The following FRMD4A variants were observed in gnomAD, a reference collection of about 807,000 sequenced individuals.
FRMD4A encodes FERM domain-containing protein 4A.
FRMD4A carries 29 observed loss-of-function variants against 129.1 expected under a neutral mutation model. The observed-to-expected ratio is 0.22, with a 90% CI of 0.17 to 0.31. FRMD4A has a LOEUF of 0.31. FRMD4A is among the 10% of genes least tolerant of loss of function. FRMD4A has a pLI of 1.00. For synonymous variants in FRMD4A, 634 were observed against 571.6 expected (o/e 1.11, Z -1.56); for missense variants, 1,272 against 1,375.8 (o/e 0.92, Z 1.19).
chr10:13,783,827 T>C (rs905331478), intron 5 of FRMD4A, among the ~76,000 whole-genome samples: 1 of 152,310 alleles, frequency 6.6e-6, no homozygotes. Context: ...TTAAGCCAAA[T>C]GAGAATCGGA....
chr10:14,037,626 A>G (rs917118637), intron 2 of FRMD4A, among the ~76,000 whole-genome samples: 3 of 151,302 alleles, frequency 2.0e-5, no homozygotes, highest in African/African-American at 7.3e-5. Flanking sequence ...GACTTCTAGG[A>G]GTAGAATTGT....
At chr10:13,833,390 A>G (rs1208377522) in intron 3 of FRMD4A, among the ~76,000 whole-genome samples, 1 of 152,214 alleles carries the variant, frequency 6.6e-6, no homozygotes. Flanking sequence ...AACCGTCCCC[A>G]GGATGCAATT....
chr10:14,213,869 A>G (rs1401397922), intron 2 of FRMD4A, among the ~76,000 whole-genome samples: 1 of 152,154 alleles, frequency 6.6e-6, no homozygotes, highest in African/African-American at 2.4e-5. Flanking sequence ...AAGTCTCCTG[A>G]GATCTGATGG....
chr10:13,753,284 C>G (rs946478205), intron 8 of FRMD4A, among the ~76,000 whole-genome samples: 6 of 152,172 alleles, frequency 3.9e-5, no homozygotes, highest in African/African-American at 1.4e-4. Flanking sequence ...CAATCACATG[C>G]TTTTTTCCCC....
chr10:14,073,404 T>C (rs1363194871), intron 2 of FRMD4A, among the ~76,000 whole-genome samples: 1 of 152,136 alleles, frequency 6.6e-6, no homozygotes, highest in Admixed American at 6.5e-5. Flanking sequence ...CTGCAAGAAA[T>C]GTCCCATTCC....
At chr10:14,194,767 G>A (rs1842426979) in intron 2 of FRMD4A, among the ~76,000 whole-genome samples, 1 of 151,494 alleles carries the variant, frequency 6.6e-6, no homozygotes, top group Admixed American at 6.6e-5. Context: ...TCTTCTTTTG[G>A]TTCTAAGAAA....
chr10:13,910,876 T>G (rs2094933239), intron 2 of FRMD4A, among the ~76,000 whole-genome samples: 3 of 117,130 alleles, frequency 2.6e-5, no homozygotes, highest in South Asian at 2.9e-4. Flanking sequence ...GTTAAGCCTC[T>G]GGGAGTTTCA....
chr10:13,823,204 C>T (rs2130912588), intron 3 of FRMD4A, among the ~76,000 whole-genome samples: 1 of 152,284 alleles, frequency 6.6e-6, no homozygotes, highest in Non-Finnish European at 1.5e-5. Context: ...AAAGTGCTCA[C>T]AAGCCAGCCA....
At chr10:14,109,040 C>T (rs1837733566) in intron 2 of FRMD4A, among the ~76,000 whole-genome samples, 1 of 152,100 alleles carries the variant, frequency 6.6e-6, no homozygotes. Context: ...TGTTCATATC[C>T]TATCTCTTAT....
chr10:14,027,729 A>G (rs1369368820), intron 2 of FRMD4A, among the ~76,000 whole-genome samples: 1 of 152,242 alleles, frequency 6.6e-6, no homozygotes, highest in African/African-American at 2.4e-5. Flanking sequence ...ATTTGGGCAG[A>G]GTGTGTGGTT....
At chr10:13,854,025 A>G (rs76424763) in intron 3 of FRMD4A, among the ~76,000 whole-genome samples, 2 of 152,056 alleles carry the variant, frequency 1.3e-5, no homozygotes, top group Admixed American at 6.6e-5. Context: ...CAAGAGAACC[A>G]AATAAGGAAG....
intron 2 of FRMD4A, among the ~76,000 whole-genome samples, chr10:14,017,243 C>A (rs1045088263): frequency 1.3e-5 from 2 of 152,200 alleles, no homozygotes; most frequent in African/African-American, 4.8e-5. Context: ...CTCTGTGAAG[C>A]TGGCTGTGTA....
chr10:14,223,168 A>G (rs1390456188), intron 2 of FRMD4A, among the ~76,000 whole-genome samples: 3 of 152,208 alleles, frequency 2.0e-5, no homozygotes, highest in Non-Finnish European at 4.4e-5. Flanking sequence ...ACCTCCCCTG[A>G]GATGCAGACT....
chr10:14,046,163 C>A (rs1236030925), intron 2 of FRMD4A, among the ~76,000 whole-genome samples: 5 of 152,124 alleles, frequency 3.3e-5, no homozygotes, highest in South Asian at 4.2e-4. Context: ...CTTTTGGGAC[C>A]ATCAGCTTTG....
intron 2 of FRMD4A, among the ~76,000 whole-genome samples, chr10:14,129,268 A>T (rs547340665): frequency 5.4e-4 from 81 of 150,298 alleles, no homozygotes; most frequent in Non-Finnish European, 9.7e-4. Flanking sequence ...GCACAGAGAC[A>T]TTTTTTTTCT....
chr10:14,244,492 G>C (rs1005789627), intron 2 of FRMD4A, among the ~76,000 whole-genome samples: 1 of 152,208 alleles, frequency 6.6e-6, no homozygotes, highest in Non-Finnish European at 1.5e-5. Flanking sequence ...AGGAGTCATG[G>C]TAGGCATTTG....
intron 6 of FRMD4A, among the ~76,000 whole-genome samples, chr10:13,775,271 C>T (rs1394975326): frequency 6.6e-6 from 1 of 152,188 alleles, no homozygotes; most frequent in Non-Finnish European, 1.5e-5. Context: ...TTTACAAAGA[C>T]CCACATCAGG....
At chr10:14,110,125 T>TTAAAAAAAAGAA (rs372420987) in intron 2 of FRMD4A, among the ~76,000 whole-genome samples, 12 of 89,554 alleles carry the variant, frequency 1.3e-4, no homozygotes, top group African/African-American at 5.1e-4. Context: ...CGAGATGCTG[T>TTAAAAAAAAGAA]AAAAAAAAAA....
At chr10:14,265,735 A>G (rs1344162335) in intron 2 of FRMD4A, among the ~76,000 whole-genome samples, 2 of 152,228 alleles carry the variant, frequency 1.3e-5, no homozygotes, top group African/African-American at 4.8e-5. Context: ...ATTCTAGGAA[A>G]TAGAGATAGT....
Sources: allele counts gnomAD v4.1 joint callset (sites outside exome capture counted in the v4.1 genomes callset), GRCh38; gene constraint gnomAD v4.1.1; transcripts MANE v1.5; gene names NCBI Gene and HGNC (gene_info 2026-07-23, HGNC 2026-07-21).